Variants in PIP4P2 observed in about 807,000 individuals in gnomAD.
PIP4P2 encodes the protein phosphatidylinositol-4,5-bisphosphate 4-phosphatase 2, also known as type 2 phosphatidylinositol 4,5-bisphosphate 4-phosphatase.
In PIP4P2, 19 loss-of-function variants were observed where a neutral mutation model predicts 33.3. The observed-to-expected ratio is 0.57, with a 90% CI of 0.40 to 0.84. The LOEUF (loss-of-function observed/expected upper bound fraction) is 0.84. PIP4P2 is among the 40% of genes least tolerant of loss of function. PIP4P2 has a pLI of 0.00. For missense variants in PIP4P2, 270 were observed against 324.7 expected (o/e 0.83, Z 1.29); for synonymous variants, 110 against 111.9 (o/e 0.98, Z 0.11).
chr8:91,040,679 G>C lies in PIP4P2; in HGVS notation c.71C>G (p.Thr24Ser). The C allele has an allele frequency of 3.7e-6, 6 of 1,613,596 alleles. No individual in the cohort carries two copies. Among genetic ancestry groups the C allele is most frequent in the Non-Finnish European group, 8.5e-7 (1 of 1,180,036 alleles). ...SASHSGNVTP[T>S]APPYLQESSP... ...GCTTTCTTGCAAGTACGGTGGGGCGGTGGGAGTGACATTTCCGGAGTGGGA... is the reference window on the plus strand; with the variant it reads ...GCTTTCTTGCAAGTACGGTGGGGCGCTGGGAGTGACATTTCCGGAGTGGGA... Residue 24 changes from threonine to serine, a missense_variant, in exon 1 of 7, where the codon ACC becomes AGC. Transcript: ENST00000285419.
intron 1 of PIP4P2, among the ~76,000 whole-genome samples, chr8:91,022,428 A>T (rs1470159920): frequency 6.6e-6 from 1 of 152,160 alleles, no homozygotes; most frequent in Non-Finnish European, 1.5e-5. Context: ...CTGGAATGGG[A>T]TTTCTAAAGG....
At chr8:91,019,423 A>AAAT (rs1811970520) in intron 3 of PIP4P2, among the ~76,000 whole-genome samples, 8 of 61,276 alleles carry the variant, frequency 1.3e-4, no homozygotes, top group African/African-American at 3.0e-4. Context: ...AAAAAAAAAA[A>AAAT]ATATATTACC....
At chr8:91,029,312 A>C (rs1458011853) in intron 1 of PIP4P2, among the ~76,000 whole-genome samples, 1 of 152,066 alleles carries the variant, frequency 6.6e-6, no homozygotes, top group East Asian at 1.9e-4. Flanking sequence ...AAAAAAAAGA[A>C]ATTACTAAAG....
chr8:91,000,165 C>A (rs1456443755), intron 5 of PIP4P2, among the ~76,000 whole-genome samples: 2 of 151,958 alleles, frequency 1.3e-5, no homozygotes, highest in Admixed American at 6.6e-5. Flanking sequence ...AAAGTTTTAA[C>A]ACCAAACATT....
At chr8:90,998,291 A>G (rs1449650204) in intron 5 of PIP4P2, among the ~76,000 whole-genome samples, 1 of 152,086 alleles carries the variant, frequency 6.6e-6, no homozygotes, top group Non-Finnish European at 1.5e-5. Flanking sequence ...CTGTGAGCCA[A>G]GAGAATACAC....
intron 3 of PIP4P2, among the ~76,000 whole-genome samples, chr8:91,019,423 A>AT (rs1811970382): frequency 2.6e-4 from 16 of 61,162 alleles, no homozygotes; most frequent in African/African-American, 5.3e-4. Flanking sequence ...AAAAAAAAAA[A>AT]ATATATTACC....
At chr8:91,005,883 G>A (rs1811756560) in intron 5 of PIP4P2, among the ~76,000 whole-genome samples, 1 of 152,198 alleles carries the variant, frequency 6.6e-6, no homozygotes. Flanking sequence ...CCTTCAGTCT[G>A]GCAGTGGCCA....
At chr8:91,025,034 C>G (rs1812064025) in intron 1 of PIP4P2, among the ~76,000 whole-genome samples, 2 of 152,046 alleles carry the variant, frequency 1.3e-5, no homozygotes, top group Non-Finnish European at 1.5e-5. Context: ...TAACAGCTGT[C>G]TCCTTTAATA....
intron 5 of PIP4P2, among the ~76,000 whole-genome samples, chr8:90,998,379 A>G (rs1230156172): frequency 6.6e-6 from 1 of 152,056 alleles, no homozygotes; most frequent in Non-Finnish European, 1.5e-5. Context: ...TTAAATAGTC[A>G]CTACATCTGA....
chr8:91,039,136 A>G (rs1173155007), intron 1 of PIP4P2, among the ~76,000 whole-genome samples: 3 of 152,224 alleles, frequency 2.0e-5, no homozygotes, highest in Non-Finnish European at 4.4e-5. Flanking sequence ...ACCGCCAAAC[A>G]TTTTGCCATA....
rs564451287 is a variant in PIP4P2, at chr8:91,006,883, T to C, written c.539+1860A>G. 1.1e-4 allele frequency among the ~76,000 whole-genome samples: 17 copies of C among 152,268 alleles called. No individual in the cohort carries two copies. In the East Asian group the frequency reaches 3.3e-3, roughly 29 times the overall value. ...ACTTGGGAGGCTGAGGCAGGAGAATTGCTTGAACCCCGGAGGTGGAGGTTG... is the reference window on the plus strand; with the variant it reads ...ACTTGGGAGGCTGAGGCAGGAGAATCGCTTGAACCCCGGAGGTGGAGGTTG... On this transcript the variant is annotated intron_variant, in intron 5 of 6. Transcript: ENST00000285419.
chr8:90,999,995 T>G (rs989561230), intron 5 of PIP4P2, among the ~76,000 whole-genome samples: 23 of 152,152 alleles, frequency 1.5e-4, no homozygotes, highest in African/African-American at 5.3e-4. Flanking sequence ...TCTTTTATAT[T>G]GACCATGACT....
rs377095118 is a variant in PIP4P2, at chr8:91,021,439, G to A, written c.107-35C>T. On this transcript the variant is annotated intron_variant, in intron 1 of 6. Coordinates refer to ENST00000285419, the MANE Select transcript of PIP4P2 (RefSeq NM_018710.3). ...TATTAGTCACTGAATCAGAGTCTTG[G>A]AGAAATTACTATGGCTGGTTTGAGT... is the stretch of plus-strand genomic sequence containing the variant. 8.1e-6 allele frequency: 13 copies of A among 1,606,432 alleles called. No individual in the cohort carries two copies. In the African/African-American group the frequency reaches 1.2e-4, roughly 15 times the overall value.
rs5893153 is a variant in PIP4P2 at position 91,010,957 on chromosome 8, T to TAAAA, written c.487-2166_487-2163dup. On this transcript the variant is annotated intron_variant, in intron 4 of 6. Transcript: ENST00000285419. The stretch of plus-strand genomic sequence containing the variant: ...TTTGCAACTAATCTTAGAAGATTTG[T>TAAAA]AAAAAAAAAAAAAAAAGCTATATTG... Among the ~76,000 whole-genome samples, 192 of 133,834 alleles carry TAAAA rather than the reference T, an allele frequency of 1.4e-3. 5 individuals carry two copies. The highest frequency in any genetic ancestry group is 5.3e-3 in the African/African-American group (187 of 35,578). 87.8% of individuals were successfully genotyped at this position (133,834 alleles called of 152,430 possible).
intron 1 of PIP4P2, among the ~76,000 whole-genome samples, chr8:91,026,178 G>C (rs1028416870): frequency 9.2e-5 from 14 of 152,128 alleles, no homozygotes; most frequent in African/African-American, 3.1e-4. Flanking sequence ...TGCAAGGCTG[G>C]AGGAGAAATA....
chr8:91,031,329 G>T (rs1041407355), intron 1 of PIP4P2, among the ~76,000 whole-genome samples: 7 of 152,146 alleles, frequency 4.6e-5, no homozygotes, highest in Non-Finnish European at 7.3e-5. Context: ...GGTCTAAAAG[G>T]TGTCTGAAAA....
chr8:91,038,931 G>A (rs772617910), intron 1 of PIP4P2, among the ~76,000 whole-genome samples: 18 of 152,116 alleles, frequency 1.2e-4, no homozygotes, highest in Non-Finnish European at 2.4e-4. Flanking sequence ...CTTTTTCTCA[G>A]TGGCTGAACT....
intron 4 of PIP4P2, among the ~76,000 whole-genome samples, chr8:91,016,988 G>A (rs1003854623): frequency 2.0e-5 from 3 of 152,150 alleles, no homozygotes. Context: ...TGGTTCAGCT[G>A]TGAACAAAAT....
intron 1 of PIP4P2, 136 bp downstream of exon 1, chr8:91,040,508 C>G (rs1812290897): frequency 1.0e-6 from 1 of 972,558 alleles, no homozygotes; most frequent in African/African-American, 1.6e-5. Flanking sequence ...TGGGAAGGCA[C>G]AGTCAGCATC....
Sources: gnomAD v4.1 joint callset for allele counts (sites outside exome capture counted in the v4.1 genomes callset) on GRCh38, gnomAD v4.1.1 for gene constraint, MANE v1.5 for transcripts, NCBI Gene and HGNC (gene_info 2026-07-23, HGNC 2026-07-21) for gene names.